Variants in FHIP1A observed in about 807,000 individuals in gnomAD.
The protein encoded by FHIP1A is FHF complex subunit HOOK-interacting protein 1A.
A neutral mutation model predicts 88.6 loss-of-function variants in FHIP1A; 61 were observed. The ratio of observed to expected loss-of-function variants is 0.69; its 90% CI spans 0.56 to 0.85. The LOEUF (loss-of-function observed/expected upper bound fraction) is 0.85. Ranked by LOEUF, FHIP1A falls within the 40% of genes least tolerant of loss-of-function variation. The pLI, the probability that FHIP1A is intolerant of heterozygous loss-of-function variation, is 0.00. For synonymous variants in FHIP1A, 478 were observed against 496.0 expected, an observed-to-expected ratio of 0.96 and a Z score of 0.48; for missense variants, 1,154 against 1,273.5, an observed-to-expected ratio of 0.91 and a Z score of 1.43.
At position 151,664,377 on chromosome 4, in the gene FHIP1A, T is replaced by C. The variant is rs1454437709; in HGVS notation, c.*1623T>C. 6.6e-6 allele frequency among the ~76,000 whole-genome samples: 1 copy of C among 152,208 alleles called. No homozygotes were observed. Among genetic ancestry groups the C allele is most frequent in the Non-Finnish European group, 1.5e-5 (1 of 68,040 alleles). ...TTGAAGCAGCTTTGTATTGAGTGAA[T>C]GAGAAATTGAGAGCTGGCCTGTGAA... On this transcript the variant is annotated 3_prime_UTR_variant, in exon 14 of 14. Transcript: ENST00000435205.
chr4:151,574,646 A>G (rs1733716320), intron 4 of FHIP1A, among the ~76,000 whole-genome samples: 1 of 152,116 alleles, frequency 6.6e-6, no homozygotes, highest in Admixed American at 6.5e-5. Context: ...GCATTAGTAC[A>G]TGATTACTTT....
At position 151,666,988 on chromosome 4, in the gene FHIP1A, A is replaced by G. The variant is rs1262232313; in HGVS notation, c.*4234A>G. ...CCAGTTCTCATTTAAGGGCAGTTCA[A>G]TGTAATTGCTAATTACCAGCCCTGT... is the stretch of plus-strand genomic sequence containing the variant. On this transcript the variant is annotated 3_prime_UTR_variant, in exon 14 of 14. Transcript: ENST00000435205. Among the ~76,000 whole-genome samples the G allele has an allele frequency of 4.6e-5, 7 of 152,292 alleles. No homozygotes were observed. In the East Asian group the frequency reaches 5.8e-4, roughly 13 times the overall value.
At chr4:151,553,711 T>C (rs1578745463) in intron 3 of FHIP1A, among the ~76,000 whole-genome samples, 1 of 152,216 alleles carries the variant, frequency 6.6e-6, no homozygotes, top group Non-Finnish European at 1.5e-5. Flanking sequence ...AACCAGTTGT[T>C]ACAGCTTCTT....
At chr4:151,460,211 G>T (rs1182461663) in intron 2 of FHIP1A, among the ~76,000 whole-genome samples, 2 of 152,032 alleles carry the variant, frequency 1.3e-5, no homozygotes, top group African/African-American at 4.8e-5. Flanking sequence ...GCTTTTAGAG[G>T]CCCTGCGTTA....
chr4:151,565,333 C>T (rs560587536), intron 3 of FHIP1A, among the ~76,000 whole-genome samples: 1 of 152,210 alleles, frequency 6.6e-6, no homozygotes, highest in South Asian at 2.1e-4. Flanking sequence ...CTTTTTTCCC[C>T]TACTTGCTGT....
At chr4:151,427,472 G>A (rs1037791134) in intron 1 of FHIP1A, among the ~76,000 whole-genome samples, 38 of 152,034 alleles carry the variant, frequency 2.5e-4, no homozygotes, top group African/African-American at 8.0e-4. Flanking sequence ...TTATGTTTGC[G>A]CTGAGCTGTG....
chr4:151,631,655 G>T (rs1578841012), intron 8 of FHIP1A, among the ~76,000 whole-genome samples: 1 of 152,220 alleles, frequency 6.6e-6, no homozygotes, highest in East Asian at 1.9e-4. Flanking sequence ...CAGAAACTTT[G>T]TAAGAACACC....
intron 2 of FHIP1A, among the ~76,000 whole-genome samples, chr4:151,473,199 C>A (rs1397176357): frequency 6.6e-6 from 1 of 151,998 alleles, no homozygotes; most frequent in Non-Finnish European, 1.5e-5. Flanking sequence ...ATAAAGATCT[C>A]TAGAATCCTT....
rs1002016570 is a variant in FHIP1A, at chr4:151,653,822, G to A, written c.2552-2410G>A. On this transcript the variant is annotated intron_variant, in intron 11 of 13. Coordinates refer to ENST00000435205, the MANE Select transcript of FHIP1A (RefSeq NM_001109977.3). ...TGGACAGGGGAAGTGCAGGAAGAGG[G>A]TGCAGGCTCGATGGAGGCAGGGGAA... Among the ~76,000 whole-genome samples the A allele has an allele frequency of 2.6e-5, 4 of 152,100 alleles. No homozygotes were observed. The East Asian group carries it at 7.7e-4, about 29-fold the overall frequency.
Position 151,489,523 on chromosome 4 carries a change from G to A in FHIP1A, c.-123+6875G>A, listed in dbSNP as rs1417270809. Among the ~76,000 whole-genome samples, 3 of 152,182 alleles carry A rather than the reference G, an allele frequency of 2.0e-5. No individual in the cohort carries two copies. In the East Asian group the frequency reaches 5.8e-4, roughly 29 times the overall value. On this transcript the variant is annotated intron_variant, in intron 3 of 13. Transcript: ENST00000435205. The stretch of plus-strand genomic sequence containing the variant: ...TACAGCCAAAGGTGCAGGCAGGTGG[G>A]GAGGGGCAAGGCCTGAGAGCCCTGC...
intron 5 of FHIP1A, among the ~76,000 whole-genome samples, chr4:151,585,372 G>C (rs1734172998): frequency 6.6e-6 from 1 of 152,060 alleles, no homozygotes; most frequent in Middle Eastern, 3.2e-3. Context: ...TAAAAACGGG[G>C]TTTCGCCATG....
In FHIP1A at chr4:151,441,854, G is replaced by A. The variant is rs77895337; in HGVS notation, c.-355-12847G>A. ...AAGCTCATCAAAAGAGAAATTTTAT[G>A]TGGCTTTCTAATTTTTCAGGCTGAT... On this transcript the variant is annotated intron_variant, in intron 1 of 13. Coordinates refer to ENST00000435205, the MANE Select transcript of FHIP1A (RefSeq NM_001109977.3). Among the ~76,000 whole-genome samples the A allele has an allele frequency of 9.2e-3, 1,406 of 152,202 alleles. 19 individuals carry two copies. The highest frequency in any genetic ancestry group is 0.032 in the African/African-American group (1,313 of 41,524).
At chr4:151,597,979 G>T (rs778965606) in intron 7 of FHIP1A, among the ~76,000 whole-genome samples, 2 of 152,142 alleles carry the variant, frequency 1.3e-5, no homozygotes, top group Non-Finnish European at 2.9e-5. Flanking sequence ...ATGGGGGTGG[G>T]ATCTGCTGAG....
intron 9 of FHIP1A, among the ~76,000 whole-genome samples, chr4:151,639,877 G>A (rs533682667): frequency 1.4e-4 from 21 of 152,176 alleles, no homozygotes; most frequent in Admixed American, 2.0e-4. Flanking sequence ...CAGTCCTGGG[G>A]AATAAGGGTG....
chr4:151,646,328 T>A, intron 9 of FHIP1A, among the ~76,000 whole-genome samples: 1 of 152,146 alleles, frequency 6.6e-6, no homozygotes, highest in South Asian at 2.1e-4. Flanking sequence ...GATGAAGAAG[T>A]TCCTGGAGAT....
intron 3 of FHIP1A, among the ~76,000 whole-genome samples, chr4:151,555,051 C>G (rs936120706): frequency 6.6e-6 from 1 of 152,170 alleles, no homozygotes; most frequent in East Asian, 1.9e-4. Context: ...GGTTCTCCCC[C>G]CAATCACAGA....
At chr4:151,514,630 C>T (rs1052970221) in intron 3 of FHIP1A, among the ~76,000 whole-genome samples, 15 of 152,164 alleles carry the variant, frequency 9.9e-5, no homozygotes, top group Admixed American at 5.2e-4. Context: ...ATATCACCAC[C>T]GATCCCACTG....
At chr4:151,573,295 T>TAC (rs937827247) in intron 4 of FHIP1A, among the ~76,000 whole-genome samples, 1 of 147,728 alleles carries the variant, frequency 6.8e-6, no homozygotes, top group Admixed American at 6.7e-5. Flanking sequence ...CACACACACA[T>TAC]ACACACACAC....
At chr4:151,539,665 G>A (rs1379888692) in intron 3 of FHIP1A, among the ~76,000 whole-genome samples, 1 of 151,420 alleles carries the variant, frequency 6.6e-6, no homozygotes, top group African/African-American at 2.4e-5. Flanking sequence ...AAAGTACATT[G>A]ACTCTCATGC....
Sources: allele counts gnomAD v4.1 joint callset (sites outside exome capture counted in the v4.1 genomes callset), GRCh38; gene constraint gnomAD v4.1.1; transcripts MANE v1.5; gene names NCBI Gene and HGNC (gene_info 2026-07-23, HGNC 2026-07-21).